The following DAPK2 variants were observed in gnomAD, a reference collection of about 807,000 sequenced individuals.
DAPK2 encodes the protein death associated protein kinase 2.
A neutral mutation model predicts 44.1 loss-of-function variants in DAPK2; 35 were observed. That is an observed-to-expected ratio of 0.79 (90% CI 0.61 to 1.05). The LOEUF is 1.05. Ranked by LOEUF, DAPK2 falls within the 50% of genes least tolerant of loss-of-function variation. The probability of loss-of-function intolerance (pLI) is 0.00; values close to 1 mark genes in which losing one functional copy is unlikely to be tolerated. For missense variants in DAPK2, 453 were observed against 483.2 expected, an observed-to-expected ratio of 0.94 and a Z score of 0.59; for synonymous variants, 174 against 182.6, an observed-to-expected ratio of 0.95 and a Z score of 0.38.
At position 63,912,059 on chromosome 15, in the gene DAPK2, C is replaced by A. The variant is rs78177217; in HGVS notation, c.948+49G>T. 3.7e-4 allele frequency: 578 copies of A among 1,579,690 alleles called. 1 individual carries two copies. Among genetic ancestry groups the A allele is most frequent in the Non-Finnish European group, 4.8e-4 (554 of 1,162,336 alleles). Reference sequence around the variant, plus strand: ...ATGGAGACCCTGGAGAGCCAGAAACCCCGCCCTAGCCCCCACCCTGTCCCC... The same window carrying A: ...ATGGAGACCCTGGAGAGCCAGAAACACCGCCCTAGCCCCCACCCTGTCCCC... On this transcript the variant is annotated intron_variant, in intron 9 of 10. Transcript: ENST00000261891. The surrounding 1 kb of genome is among the most constrained non-coding windows in gnomAD (Gnocchi z 4.4).
intron 3 of DAPK2, among the ~76,000 whole-genome samples, chr15:63,948,460 C>T (rs1261466613): frequency 6.6e-6 from 1 of 151,718 alleles, no homozygotes; most frequent in African/African-American, 2.4e-5. Context: ...AGGGGAGGTG[C>T]CTCACACTTT....
intron 4 of DAPK2, among the ~76,000 whole-genome samples, chr15:63,931,878 G>A (rs1239636181): frequency 1.3e-5 from 2 of 151,976 alleles, no homozygotes; most frequent in Admixed American, 6.6e-5. Flanking sequence ...TGTCAAGAAG[G>A]TATAGGATGG....
intron 4 of DAPK2, among the ~76,000 whole-genome samples, chr15:63,938,946 G>A (rs147024118): frequency 2.1e-4 from 32 of 152,274 alleles, no homozygotes; most frequent in African/African-American, 7.2e-4. Context: ...CTAAGAGCAC[G>A]AGGTGGGGCC....
intron 10 of DAPK2, 26 bp downstream of exon 11, chr15:63,911,882 C>G (rs2078801345): frequency 6.2e-7 from 1 of 1,609,686 alleles, no homozygotes; most frequent in Non-Finnish European, 8.5e-7. Flanking sequence ...GAATTCTGCC[C>G]AAGAAGAGGG....
intron 3 of DAPK2, among the ~76,000 whole-genome samples, chr15:63,959,095 C>G (rs947245266): frequency 1.3e-5 from 2 of 152,048 alleles, no homozygotes; most frequent in African/African-American, 4.8e-5. Context: ...GATTCCTAGG[C>G]ATTTTATTCT....
intron 1 of DAPK2, among the ~76,000 whole-genome samples, chr15:64,034,737 T>C (rs2080129813): frequency 2.0e-5 from 3 of 152,218 alleles, no homozygotes; most frequent in Non-Finnish European, 2.9e-5. Context: ...CCAATGCTTG[T>C]TTATGACCTT....
Position 63,939,904 on chromosome 15 carries a change from T to G in DAPK2, c.454-543A>C, listed in dbSNP as rs1355465746. On this transcript the variant is annotated intron_variant, in intron 3 of 10. Coordinates refer to ENST00000261891, the Ensembl canonical transcript of DAPK2. This position sits in a 1 kb window ranked among gnomAD's most constrained non-coding sequence, Gnocchi z 4.3. ...TCACTGTGTAGCCCACACTTCTCTC[T>G]GCGTTTAACTAATTTTGGTCCTCAG... 6.6e-6 allele frequency among the ~76,000 whole-genome samples: 1 copy of G among 152,212 alleles called. No individual in the cohort carries two copies. The highest frequency in any genetic ancestry group is 1.5e-5 in the Non-Finnish European group (1 of 68,038).
intron 8 of DAPK2, chr15:63,922,962 C>T (rs925821988): frequency 2.3e-5 from 36 of 1,535,778 alleles, no homozygotes; most frequent in South Asian, 8.3e-5. Flanking sequence ...GCCATGCTTC[C>T]GAGGCTACAT....
chr15:63,953,359 G>T (rs186440670), intron 3 of DAPK2, among the ~76,000 whole-genome samples: 40 of 152,244 alleles, frequency 2.6e-4, no homozygotes, highest in Non-Finnish European at 5.1e-4. Context: ...ATGCATAAAT[G>T]AGAACATACA....
chr15:63,946,377 G>T (rs929334085), intron 3 of DAPK2, among the ~76,000 whole-genome samples: 14 of 152,268 alleles, frequency 9.2e-5, no homozygotes, highest in African/African-American at 2.9e-4. Context: ...GCAAGTCTGG[G>T]TTCAAATCCC....
intron 3 of DAPK2, among the ~76,000 whole-genome samples, chr15:63,967,775 A>G (rs571867972): frequency 1.5e-4 from 23 of 152,358 alleles, no homozygotes; most frequent in Admixed American, 7.2e-4. Context: ...CTGACTGTCC[A>G]TTGCACAATG....
intron 1 of DAPK2, among the ~76,000 whole-genome samples, chr15:64,037,422 A>G (rs987439161): frequency 3.3e-5 from 5 of 152,198 alleles, no homozygotes; most frequent in African/African-American, 9.6e-5. Flanking sequence ...TGCCCCATCA[A>G]TCCCTTGCAG....
At chr15:63,926,005 A>G (rs1364959220) in exon 7 of DAPK2, 3 of 1,614,116 alleles carry the variant, frequency 1.9e-6, no homozygotes, top group Non-Finnish European at 2.5e-6. Flanking sequence ...TGGCTGAAGA[A>G]TTCCTCATCA....
chr15:64,002,955 T>TGTGTGGGGGGGG (rs2079126595), intron 1 of DAPK2, among the ~76,000 whole-genome samples: 1 of 118,680 alleles, frequency 8.4e-6, no homozygotes, highest in African/African-American at 3.2e-5. Context: ...TGTGTGTGTG[T>TGTGTGGGGGGGG]GTGTGTGTGT....
At chr15:63,953,004 G>A (rs184250246) in intron 3 of DAPK2, among the ~76,000 whole-genome samples, 2 of 150,656 alleles carry the variant, frequency 1.3e-5, no homozygotes, top group East Asian at 2.0e-4. Context: ...TTATTTCCAT[G>A]GGCTTTGGGG....
intron 6 of DAPK2, 88 bp from the exon 8 acceptor site, chr15:63,926,181 G>A (rs2079257643): frequency 1.4e-6 from 2 of 1,446,280 alleles, no homozygotes; most frequent in Admixed American, 2.2e-5. Flanking sequence ...CCCCATGACT[G>A]CTGCAGGGAG....
Position 63,955,211 on chromosome 15 carries a change from C to T in DAPK2, c.454-15850G>A, listed in dbSNP as rs533539662. On this transcript the variant is annotated intron_variant, in intron 3 of 10. Coordinates refer to ENST00000261891, the Ensembl canonical transcript of DAPK2. ...GTTGAATAACAGTGGTGAAAGTGGG[C>T]ATCCTTGTTGTGTTACAGATTTTAG... Among the ~76,000 whole-genome samples, 12 of 152,300 alleles carry T rather than the reference C, an allele frequency of 7.9e-5. No homozygotes were observed. The South Asian group carries it at 1.9e-3, about 24-fold the overall frequency.
intron 4 of DAPK2, chr15:63,935,816 G>A (rs963264031): frequency 1.3e-5 from 2 of 151,748 alleles, no homozygotes; most frequent in Non-Finnish European, 2.9e-5. Flanking sequence ...ATATTTCTAT[G>A]TCTTTGTCAC....
intron 6 of DAPK2, among the ~76,000 whole-genome samples, chr15:63,929,116 C>T (rs540004444): frequency 6.6e-6 from 1 of 151,724 alleles, no homozygotes; most frequent in Admixed American, 6.6e-5. Flanking sequence ...AGGAGAATTG[C>T]TTAACCTGGG....
Sources: allele counts gnomAD v4.1 joint callset (sites outside exome capture counted in the v4.1 genomes callset), GRCh38; gene constraint gnomAD v4.1.1; non-coding constraint Gnocchi (gnomAD v3.1); transcripts MANE v1.5; gene names NCBI Gene and HGNC (gene_info 2026-07-23, HGNC 2026-07-21).